Variants in MAPK6 observed in about 807,000 individuals in gnomAD.
The protein encoded by MAPK6 is ERK-3.
In MAPK6, 19 loss-of-function variants were observed where a neutral mutation model predicts 59.3. The observed-to-expected ratio is 0.32, with a 90% CI of 0.22 to 0.47. MAPK6 has a LOEUF of 0.47. Ranked by LOEUF, MAPK6 falls within the 20% of genes least tolerant of loss-of-function variation. MAPK6 has a pLI of 1.00. For missense variants in MAPK6, 724 were observed against 847.9 expected (o/e 0.85, Z 1.81); for synonymous variants, 316 against 290.3 (o/e 1.09, Z -0.90).
At chr15:52,029,247 A>G (rs559139261) in intron 1 of MAPK6, among the ~76,000 whole-genome samples, 1 of 152,226 alleles carries the variant, frequency 6.6e-6, no homozygotes, top group Non-Finnish European at 1.5e-5. Context: ...CATGTTGGTC[A>G]GGCTGGTCTC....
intron 1 of MAPK6, among the ~76,000 whole-genome samples, chr15:52,030,372 C>T (rs557976405): frequency 6.6e-6 from 1 of 152,240 alleles, no homozygotes; most frequent in South Asian, 2.1e-4. Context: ...GCTAAGTGCT[C>T]AGTAAATTTT....
chr15:52,059,256 C>T (rs1389070485), intron 4 of MAPK6, among the ~76,000 whole-genome samples: 1 of 152,196 alleles, frequency 6.6e-6, no homozygotes, highest in Non-Finnish European at 1.5e-5. Flanking sequence ...GTCACAACAT[C>T]CCTGTTCATA....
At chr15:51,989,852 C>G (rs1037196846) in intron 2 of MAPK6, among the ~76,000 whole-genome samples, 1 of 152,238 alleles carries the variant, frequency 6.6e-6, no homozygotes, top group Non-Finnish European at 1.5e-5. Context: ...GATCCTCCCA[C>G]CTCAGCTTCC....
intron 3 of MAPK6, chr15:52,056,835 G>C (rs2032003116): frequency 7.4e-6 from 1 of 134,996 alleles, no homozygotes; most frequent in African/African-American, 3.3e-5. Flanking sequence ...TATATCTGAT[G>C]ATGACTCCTG....
chr15:52,028,803 T>C (rs553670297), intron 1 of MAPK6, among the ~76,000 whole-genome samples: 1 of 152,324 alleles, frequency 6.6e-6, no homozygotes, highest in East Asian at 1.9e-4. Flanking sequence ...AAAGTTGTCT[T>C]TTTGTGCTCT....
chr15:51,976,226 A>G (rs1357926480), intron 1 of MAPK6, among the ~76,000 whole-genome samples: 1 of 149,248 alleles, frequency 6.7e-6, no homozygotes, highest in East Asian at 2.0e-4. Context: ...AGATCGTGCC[A>G]CTGCACTCCA....
upstream of MAPK6, among the ~76,000 whole-genome samples, chr15:52,018,308 C>T (rs920134711): frequency 2.0e-5 from 3 of 152,288 alleles, no homozygotes; most frequent in East Asian, 3.9e-4. Flanking sequence ...GGATTACAGG[C>T]GTGAACCACC....
chr15:52,009,856 A>G (rs1366217287), intron 3 of MAPK6, among the ~76,000 whole-genome samples: 2 of 151,524 alleles, frequency 1.3e-5, no homozygotes, highest in East Asian at 2.0e-4. Flanking sequence ...CACTGCAACC[A>G]CTGCCTCCTG....
chr15:51,984,445 T>TA (rs1308632694), intron 2 of MAPK6, among the ~76,000 whole-genome samples: 3 of 127,720 alleles, frequency 2.3e-5, no homozygotes, highest in Non-Finnish European at 4.9e-5. Context: ...ACACGCCGGC[T>TA]AATTTTTTTT....
chr15:51,990,451 C>T lies in MAPK6; in HGVS notation c.-770+7136C>T, dbSNP rs191153268. 7.9e-5 allele frequency among the ~76,000 whole-genome samples: 12 copies of T among 152,080 alleles called. No homozygotes were observed. The East Asian group carries it at 1.5e-3, about 20-fold the overall frequency. ...ATGCAAAGTAGTGCATATATTGTAG[C>T]GAAAAAGAGAAAATGTCAATATTTC... On this transcript the variant is annotated intron_variant, in intron 2 of 7. Transcript: ENST00000691380.
chr15:52,011,057 GA>G (rs2030042236), intron 3 of MAPK6: 1 of 152,080 alleles, frequency 6.6e-6, no homozygotes, highest in African/African-American at 2.4e-5. Context: ...TTGTAACCTC[GA>G]AGTAGTCATA....
At chr15:51,976,718 G>A (rs897615987) in intron 1 of MAPK6, among the ~76,000 whole-genome samples, 1 of 151,680 alleles carries the variant, frequency 6.6e-6, no homozygotes, top group Admixed American at 6.6e-5. Context: ...GCCGAGGCAG[G>A]CGGATCATGA....
chr15:52,002,266 A>G (rs1017463749), intron 2 of MAPK6, among the ~76,000 whole-genome samples: 20 of 152,268 alleles, frequency 1.3e-4, no homozygotes, highest in African/African-American at 4.8e-4. Flanking sequence ...ATTGGTATAC[A>G]ATCCCAGTTC....
intron 3 of MAPK6, among the ~76,000 whole-genome samples, chr15:52,011,863 TC>T (rs2030067085): frequency 6.6e-6 from 1 of 152,204 alleles, no homozygotes; most frequent in Non-Finnish European, 1.5e-5. Flanking sequence ...AGGAGAGCAG[TC>T]ATTTTAAATT....
At chr15:52,025,327 C>G (rs2030727923) in intron 1 of MAPK6, among the ~76,000 whole-genome samples, 1 of 152,128 alleles carries the variant, frequency 6.6e-6, no homozygotes, top group South Asian at 2.1e-4. Context: ...TTCCACTGGC[C>G]CTTCTGAAAA....
intron 1 of MAPK6, among the ~76,000 whole-genome samples, chr15:52,033,185 G>A (rs1340576501): frequency 6.6e-6 from 1 of 152,178 alleles, no homozygotes; most frequent in Non-Finnish European, 1.5e-5. Flanking sequence ...CTGGTGTGAT[G>A]GTTAGTATTA....
At chr15:51,983,458 A>G (rs1595957433) in intron 2 of MAPK6, among the ~76,000 whole-genome samples, 1 of 150,436 alleles carries the variant, frequency 6.6e-6, no homozygotes, top group South Asian at 2.1e-4. Flanking sequence ...CAGCCTGGGC[A>G]ACAACAGCGA....
chr15:51,976,411 G>A lies in MAPK6; in HGVS notation c.-880+4505G>A, dbSNP rs370954316. Among the ~76,000 whole-genome samples the A allele has an allele frequency of 4.8e-4, 73 of 151,852 alleles. 1 individual carries two copies. The South Asian group carries it at 0.015, about 31-fold the overall frequency. On this transcript the variant is annotated intron_variant, in intron 1 of 7. Transcript: ENST00000691380. The stretch of plus-strand genomic sequence containing the variant: ...AAACTATATTAATGAAGTGACCAGA[G>A]GGAACGCAGTTATTGAGACATAAAA...
rs974736625 is a variant in MAPK6 at position 52,019,328 on chromosome 15, G to A, written c.-680G>A. 3 of 152,588 alleles carry A rather than the reference G, an allele frequency of 2.0e-5. No homozygotes were observed. Among genetic ancestry groups the A allele is most frequent in the South Asian group, 1.9e-4 (1 of 5,358 alleles). The allele number at this position is 152,588 out of a possible 1,614,324, so 9.5% of individuals were successfully genotyped here. On this transcript the variant is annotated 5_prime_UTR_variant, in exon 1 of 6. Transcript: ENST00000261845. ...ACAGCCGGAGACCTGAGCCGACACT[G>A]GGGGCAGTCCGCGAGCCCCGCACTC...
Sources: gnomAD v4.1 joint callset for allele counts (sites outside exome capture counted in the v4.1 genomes callset) on GRCh38, gnomAD v4.1.1 for gene constraint, MANE v1.5 for transcripts, NCBI Gene and HGNC (gene_info 2026-07-23, HGNC 2026-07-21) for gene names.